PAK6: variants seen among roughly 807,000 people sequenced by gnomAD.
PAK6 encodes the protein p21 (RAC1) activated kinase 6.
In PAK6, 33 loss-of-function variants were observed where a neutral mutation model predicts 60.8. The observed-to-expected ratio is 0.54, with a 90% CI of 0.41 to 0.73. PAK6 has a LOEUF of 0.73. Ranked by LOEUF, PAK6 falls within the 30% of genes least tolerant of loss-of-function variation. PAK6 has a pLI of 0.00. For missense variants in PAK6, 845 were observed against 904.1 expected, an observed-to-expected ratio of 0.93 and a Z score of 0.84; for synonymous variants, 404 against 378.5, an observed-to-expected ratio of 1.07 and a Z score of -0.78.
At chr15:40,272,276 C>T in exon 6 of PAK6, 1 of 1,613,910 alleles carries the variant, frequency 6.2e-7, no homozygotes, top group Non-Finnish European at 8.5e-7. Context: ...AGCCTGGTGG[C>T]CAAGGCCCAG....
At chr15:40,277,097 G>A (rs1042604430) in exon 11 of PAK6, 3 of 152,248 alleles carry the variant, frequency 2.0e-5, no homozygotes, top group African/African-American at 7.2e-5. Flanking sequence ...GGTCATCAGG[G>A]ACCCATTGTT....
chr15:40,252,589 A>G lies in PAK6; in HGVS notation c.-117-589A>G, dbSNP rs1248974374. The G allele has an allele frequency of 2.9e-6, 4 of 1,356,504 alleles. No homozygotes were observed. In the Admixed American group the frequency reaches 7.7e-5, roughly 26 times the overall value. 84.0% of individuals were successfully genotyped at this position (1,356,504 alleles called of 1,614,324 possible). ...GAAGCCGGCGCTGCACCAACGTGTAAGCGCGGCCCCTCCTCGGCGTTCCCG... is the reference window on the plus strand; with the variant it reads ...GAAGCCGGCGCTGCACCAACGTGTAGGCGCGGCCCCTCCTCGGCGTTCCCG... On this transcript the variant is annotated intron_variant, in intron 2 of 10. Coordinates refer to ENST00000560346, the Ensembl canonical transcript of PAK6.
intron 3 of PAK6, chr15:40,258,773 GT>G (rs1384465685): frequency 6.6e-6 from 1 of 151,474 alleles, no homozygotes; most frequent in Non-Finnish European, 1.5e-5. Flanking sequence ...TCTTGAACTG[GT>G]TTGGGCTGGA....
At chr15:40,262,930 T>A (rs763001311) in intron 3 of PAK6, among the ~76,000 whole-genome samples, 37 of 152,176 alleles carry the variant, frequency 2.4e-4, no homozygotes, top group Non-Finnish European at 4.4e-4. Context: ...CTCACACAGG[T>A]TGTTTTATTC....
chr15:40,277,239 C>T (rs11635121), exon 11 of PAK6: 2,756 of 152,486 alleles, frequency 0.018, 38 homozygotes, highest in Non-Finnish European at 0.028. Flanking sequence ...TTGTCCTCCT[C>T]GGCCCTGCCC....
At chr15:40,252,923 C>G in intron 2 of PAK6, 1 of 1,093,842 alleles carries the variant, frequency 9.1e-7, no homozygotes, top group Non-Finnish European at 1.1e-6. Context: ...GTGGGGCCTG[C>G]GAGCTGGGGC....
intron 9 of PAK6, chr15:40,273,883 C>T (rs2039378472): frequency 1.4e-6 from 1 of 699,302 alleles, no homozygotes; most frequent in Non-Finnish European, 2.4e-6. Context: ...TTCCTCAGCT[C>T]AAGGGCAGAA....
Position 40,257,749 on chromosome 15 carries a change from G to T in PAK6, c.-6+4460G>T, listed in dbSNP as rs137869062. Among the ~76,000 whole-genome samples the T allele has an allele frequency of 1.4e-3, 217 of 152,236 alleles. 4 individuals are homozygous for T. The East Asian group carries it at 0.037, about 26-fold the overall frequency. ...GCTCTGGTGGCCCTGGCATCCCAGG[G>T]CCTGGCCCATGGATGTCTCCTCTCC... On this transcript the variant is annotated intron_variant, in intron 3 of 10. Transcript: ENST00000560346.
At position 40,242,393 on chromosome 15, in the gene PAK6, C is replaced by T. The variant is rs114593171; in HGVS notation, c.-118+1712C>T. ...GTGGACTGAAGCAGAAAGTCCTTCC[C>T]GTAAGATGCGCTCGTCGCCCTGAGC... On this transcript the variant is annotated intron_variant, in intron 2 of 10. Coordinates refer to ENST00000560346, the Ensembl canonical transcript of PAK6. 3.1e-3 allele frequency among the ~76,000 whole-genome samples: 474 copies of T among 152,304 alleles called. 6 individuals are homozygous for T. The highest frequency in any genetic ancestry group is 0.011 in the African/African-American group (464 of 41,554).
chr15:40,273,144 T>TTGGGAGTGGAGA (rs2039357576), intron 7 of PAK6, 145 bp downstream of exon 7: 1 of 1,214,170 alleles, frequency 8.2e-7, no homozygotes, highest in Admixed American at 2.5e-5. Flanking sequence ...CCCAGGGGTC[T>TTGGGAGTGGAGA]TGGGAGTGGA....
intron 5 of PAK6, among the ~76,000 whole-genome samples, chr15:40,271,127 C>T (rs551957952): frequency 6.6e-6 from 1 of 152,336 alleles, no homozygotes; most frequent in South Asian, 2.1e-4. Flanking sequence ...GCTTTTTCTG[C>T]ATCCCCTGAA....
chr15:40,256,037 A>G (rs1201442263), intron 3 of PAK6, among the ~76,000 whole-genome samples: 1 of 152,156 alleles, frequency 6.6e-6, no homozygotes, highest in Non-Finnish European at 1.5e-5. Context: ...GAGTAGGTCC[A>G]TAATAGATAC....
chr15:40,254,410 G>A (rs973176658), intron 3 of PAK6, among the ~76,000 whole-genome samples: 1 of 152,170 alleles, frequency 6.6e-6, no homozygotes. Flanking sequence ...CTTGGAGGGC[G>A]AGTAGTGAGA....
At chr15:40,241,265 C>T (rs560193584) in intron 2 of PAK6, among the ~76,000 whole-genome samples, 3 of 152,302 alleles carry the variant, frequency 2.0e-5, no homozygotes, top group South Asian at 4.1e-4. Flanking sequence ...TGGGCCCCAC[C>T]GGGAAGCAAG....
At position 40,272,218 on chromosome 15, in the gene PAK6, C is replaced by G. The variant is rs762313500; in HGVS notation, c.859-6C>G. ...CCTGACCCTTCCTGTTGCTTTGTCCCTGCAGCCCAACTCCTCTTTCCGACC... is the reference window on the plus strand; with the variant it reads ...CCTGACCCTTCCTGTTGCTTTGTCCGTGCAGCCCAACTCCTCTTTCCGACC... On this transcript the variant is annotated splice_region_variant and splice_polypyrimidine_tract_variant and intron_variant, in intron 5 of 10. Coordinates refer to ENST00000560346, the Ensembl canonical transcript of PAK6. The G allele has an allele frequency of 1.1e-5, 18 of 1,602,998 alleles. No homozygotes were observed. The highest frequency in any genetic ancestry group is 1.5e-5 in the Non-Finnish European group (18 of 1,172,994).
chr15:40,274,787 T>C (rs1595606572), intron 10 of PAK6, among the ~76,000 whole-genome samples: 1 of 152,298 alleles, frequency 6.6e-6, no homozygotes, highest in Non-Finnish European at 1.5e-5. Flanking sequence ...CATGGAAGTG[T>C]ATACATGTAA....
chr15:40,268,564 T>C (rs1462951797), intron 5 of PAK6, among the ~76,000 whole-genome samples: 1 of 152,200 alleles, frequency 6.6e-6, no homozygotes, highest in Non-Finnish European at 1.5e-5. Flanking sequence ...GGGCTGACTC[T>C]GGACACTTGC....
chr15:40,263,278 T>C (rs865956229), intron 3 of PAK6, among the ~76,000 whole-genome samples: 1 of 152,216 alleles, frequency 6.6e-6, no homozygotes, highest in African/African-American at 2.4e-5. Flanking sequence ...TCAAGAATCA[T>C]GTTTCAGTTT....
At chr15:40,252,606 G>A (rs537704201) in intron 2 of PAK6, 2 of 1,349,664 alleles carry the variant, frequency 1.5e-6, no homozygotes, top group South Asian at 1.2e-5. Context: ...CCCCTCCTCG[G>A]CGTTCCCGCG....
Sources: allele counts gnomAD v4.1 joint callset (sites outside exome capture counted in the v4.1 genomes callset), GRCh38; gene constraint gnomAD v4.1.1; transcripts MANE v1.5; gene names NCBI Gene and HGNC (gene_info 2026-07-23, HGNC 2026-07-21).